The following POLQ variants were observed in gnomAD, a reference collection of about 807,000 sequenced individuals.
POLQ encodes the protein epididymis secretory sperm binding protein.
Under a neutral mutation model 259.2 loss-of-function variants are expected in POLQ, and 233 were observed. The ratio of observed to expected loss-of-function variants is 0.90; its 90% CI spans 0.81 to 1.00. The LOEUF (loss-of-function observed/expected upper bound fraction) is 1.00, where lower values mean the gene tolerates loss of function less well. Among genes scored for constraint, POLQ ranks in the 50% least tolerant of loss-of-function variants. POLQ has a pLI of 0.00. For synonymous variants in POLQ, 1,025 were observed against 1,048.8 expected, an observed-to-expected ratio of 0.98 and a Z score of 0.44; for missense variants, 2,871 against 3,051.6, an observed-to-expected ratio of 0.94 and a Z score of 1.39.
rs2047497427 is a variant in POLQ, at chr3:121,432,050, G to A, written c.*254C>T. The A allele has an allele frequency of 8.1e-6, 3 of 370,804 alleles. No individual in the cohort carries two copies. The highest frequency in any genetic ancestry group is 1.4e-5 in the Non-Finnish European group (3 of 210,608). The allele number at this position is 370,804 out of a possible 1,614,324, so 23.0% of individuals were successfully genotyped here. ...TTTAAAGCCACAGTAAGTTACAAAA[G>A]GCAAATTCATAGATGCTCTTTGAAA... On this transcript the variant is annotated 3_prime_UTR_variant, in exon 30 of 30. Coordinates refer to ENST00000264233, the MANE Select transcript of POLQ (RefSeq NM_199420.4).
intron 26 of POLQ, among the ~76,000 whole-genome samples, chr3:121,441,834 AT>A (rs2047594975): frequency 6.6e-6 from 1 of 152,194 alleles, no homozygotes; most frequent in Non-Finnish European, 1.5e-5. Flanking sequence ...TAGTTTTACC[AT>A]TTTACAAATA....
chr3:121,489,351 G>A lies in POLQ; in HGVS notation c.3580C>T (p.Gln1194Ter), dbSNP rs753134096. Reference sequence around the variant, plus strand: ...TCATGAGATTGCTTTCGCAGGTACTGGTTAATTGGATGGATGTCATGGTGT... The same window carrying A: ...TCATGAGATTGCTTTCGCAGGTACTAGTTAATTGGATGGATGTCATGGTGT... ...MKHHDIHPIN[Q>*]YLRKQSHEQT... Residue 1194 changes from glutamine to a stop codon, truncating the protein, a stop_gained, in exon 16 of 30, where the codon CAG (glutamine) becomes TAG (stop). Coordinates refer to ENST00000264233, the MANE Select transcript of POLQ (RefSeq NM_199420.4). LOFTEE classifies it high-confidence loss of function. 8 of 1,613,204 alleles carry A rather than the reference G, an allele frequency of 5.0e-6. 1 individual carries two copies. The East Asian group carries it at 1.8e-4, about 36-fold the overall frequency.
chr3:121,448,181 G>A (rs73191794), intron 26 of POLQ, among the ~76,000 whole-genome samples: 5,493 of 151,998 alleles, frequency 0.036, 148 homozygotes, highest in Middle Eastern at 0.082. Context: ...ATTTTCTGAT[G>A]TTGCAGGTGT....
chr3:121,432,443 C>A, intron 29 of POLQ, 26 bp from the exon 30 acceptor site: 12 of 1,594,502 alleles, frequency 7.5e-6, no homozygotes, highest in Non-Finnish European at 1.0e-5. Flanking sequence ...ATGTAGTTAA[C>A]AAACTGCCCA....
intron 4 of POLQ, 79 bp downstream of exon 4, chr3:121,539,354 T>C: frequency 8.9e-7 from 1 of 1,118,870 alleles, no homozygotes; most frequent in Non-Finnish European, 1.3e-6. Context: ...AAATGGGACC[T>C]AGAGAAATCA....
chr3:121,476,977 C>G lies in POLQ; in HGVS notation c.6212-244G>C, dbSNP rs761936107. Among the ~76,000 whole-genome samples the G allele has an allele frequency of 6.6e-5, 10 of 152,174 alleles. 1 individual carries two copies. The highest frequency in any genetic ancestry group is 1.3e-4 in the Non-Finnish European group (9 of 68,040). ...AGTAGAAGAGTCGGCAATCTTGTGA[C>G]TAGTCTGGATTACAAGAGACTGTAT... is the stretch of plus-strand genomic sequence containing the variant. On this transcript the variant is annotated intron_variant, in intron 19 of 29. Transcript: ENST00000264233.
chr3:121,483,426 G>A lies in POLQ; in HGVS notation c.5930C>T (p.Ser1977Phe). The change falls in exon 18 of 30, where the codon TCT becomes TTT. Residue 1977 changes from serine (S) to phenylalanine (F), a missense_variant. Ser to Phe is a radical substitution (Grantham distance 155, BLOSUM62 -2). Coordinates refer to ENST00000264233, the MANE Select transcript of POLQ (RefSeq NM_199420.4). ...FIQSYKILLL[S>F]CGISLEQSYE... ...ACTTTGCTCCAAGGAGATGCCACAAGAAAGAAGAAGAATTTTATAGCTCTG... is the reference window on the plus strand; with the variant it reads ...ACTTTGCTCCAAGGAGATGCCACAAAAAAGAAGAAGAATTTTATAGCTCTG... 1 of 1,587,438 alleles carries A rather than the reference G, an allele frequency of 6.3e-7. No homozygotes were observed. The highest frequency in any genetic ancestry group is 2.3e-5 in the East Asian group (1 of 44,226).
rs1426382546 is a variant in POLQ at position 121,535,730 on chromosome 3, A to AG, written c.740+1369_740+1370insC. ...AACTCCATCTCAAAAAAAAAAAAAA[A>AG]AAAGAAAGAATTATGAGGCATTTTC... is the stretch of plus-strand genomic sequence containing the variant. On this transcript the variant is annotated intron_variant, in intron 5 of 29. Transcript: ENST00000264233. Among the ~76,000 whole-genome samples, 1,002 of 151,636 alleles carry AG rather than the reference A, an allele frequency of 6.6e-3. 12 individuals are homozygous for AG. The highest frequency in any genetic ancestry group is 0.021 in the African/African-American group (856 of 41,300).
intron 14 of POLQ, among the ~76,000 whole-genome samples, chr3:121,495,691 A>C (rs2108801606): frequency 6.7e-6 from 1 of 149,950 alleles, no homozygotes; most frequent in South Asian, 2.1e-4. Context: ...AAAAATACAA[A>C]AAAAAAAATT....
At chr3:121,454,383 T>A (rs2108780640) in intron 25 of POLQ, among the ~76,000 whole-genome samples, 1 of 152,240 alleles carries the variant, frequency 6.6e-6, no homozygotes, top group African/African-American at 2.4e-5. Flanking sequence ...CACATAACAA[T>A]ATTAACTTTA....
At chr3:121,506,754 G>T (rs1035357256) in intron 12 of POLQ, among the ~76,000 whole-genome samples, 1 of 152,072 alleles carries the variant, frequency 6.6e-6, no homozygotes, top group African/African-American at 2.4e-5. Flanking sequence ...TTACATTTCA[G>T]TCTTTCCTAA....
chr3:121,544,943 TTCTAA>T lies in POLQ; in HGVS notation c.164-42_164-38del, dbSNP rs761213400. The T allele has an allele frequency of 3.0e-6, 4 of 1,322,248 alleles. No individual in the cohort carries two copies. The South Asian group carries it at 5.2e-5, about 17-fold the overall frequency. The allele number at this position is 1,322,248 out of a possible 1,614,324, so 81.9% of individuals were successfully genotyped here. On this transcript the variant is annotated intron_variant, in intron 1 of 29. Coordinates refer to ENST00000264233, the MANE Select transcript of POLQ (RefSeq NM_199420.4). ...AAGAAAAAATTAAAATTTAATTTAC[TTCTAA>T]TATATGAGTTTTACAGTTAGCCCTT... is the stretch of plus-strand genomic sequence containing the variant.
intron 14 of POLQ, chr3:121,494,931 T>C: frequency 1.1e-6 from 1 of 951,698 alleles, no homozygotes; most frequent in South Asian, 1.6e-5. Flanking sequence ...GAGTTTTCTG[T>C]ATATAAAAAT....
intron 8 of POLQ, among the ~76,000 whole-genome samples, chr3:121,520,892 G>A (rs1169592042): frequency 2.0e-5 from 3 of 152,092 alleles, no homozygotes; most frequent in Non-Finnish European, 2.9e-5. Flanking sequence ...ACATAAATAC[G>A]TGATGAACAA....
intron 14 of POLQ, chr3:121,494,582 C>T (rs2048100044): frequency 1.3e-6 from 2 of 1,571,416 alleles, no homozygotes; most frequent in Non-Finnish European, 1.7e-6. Flanking sequence ...GGTGATTGCA[C>T]ACAACGCGGA....
chr3:121,492,923 A>G (rs550320943), intron 15 of POLQ, among the ~76,000 whole-genome samples: 2 of 151,690 alleles, frequency 1.3e-5, no homozygotes, highest in South Asian at 4.2e-4. Flanking sequence ...GGATTACAGG[A>G]GTGAGTCACT....
intron 5 of POLQ, among the ~76,000 whole-genome samples, chr3:121,535,446 T>G (rs931199557): frequency 6.6e-6 from 1 of 152,164 alleles, no homozygotes; most frequent in East Asian, 1.9e-4. Flanking sequence ...CCGGGCACAG[T>G]GGCTCATGCC....
intron 28 of POLQ, among the ~76,000 whole-genome samples, chr3:121,435,525 C>T (rs1057447161): frequency 6.6e-6 from 1 of 152,158 alleles, no homozygotes; most frequent in Non-Finnish European, 1.5e-5. Flanking sequence ...CACTATGAGG[C>T]TATTTGCCTT....
intron 22 of POLQ, among the ~76,000 whole-genome samples, chr3:121,470,071 G>A (rs2108789003): frequency 6.6e-6 from 1 of 152,250 alleles, no homozygotes. Context: ...TTGGGAGGCT[G>A]AGGTGGGTGG....
Sources: allele counts gnomAD v4.1 joint callset (sites outside exome capture counted in the v4.1 genomes callset), GRCh38; gene constraint gnomAD v4.1.1; transcripts MANE v1.5; gene names NCBI Gene and HGNC (gene_info 2026-07-23, HGNC 2026-07-21).